The following SVIL variants were observed in gnomAD, a reference collection of about 807,000 sequenced individuals.
SVIL encodes archvillin.
SVIL carries 101 observed loss-of-function variants against 240.4 expected under a neutral mutation model. The ratio of observed to expected loss-of-function variants is 0.42; its 90% CI spans 0.36 to 0.50. SVIL has a LOEUF of 0.50. SVIL is among the 20% of genes least tolerant of loss of function. The pLI is 0.01. For synonymous variants in SVIL, 999 were observed against 1,100.0 expected (o/e 0.91, Z 1.82); for missense variants, 2,512 against 2,818.7 (o/e 0.89, Z 2.46).
rs774801638 is a variant in SVIL at position 29,533,153 on chromosome 10, G to A, written c.1214C>T (p.Pro405Leu). 5 of 1,614,140 alleles carry A rather than the reference G, an allele frequency of 3.1e-6. No individual in the cohort carries two copies. The highest frequency in any genetic ancestry group is 1.6e-4 in the Middle Eastern group (1 of 6,062). The change falls in exon 8 of 38, where the codon CCC becomes CTC. Residue 405 changes from proline to leucine, a missense_variant. By Grantham distance (98) the Pro-to-Leu change is moderately conservative. Around this residue, in one of 3 missense-constraint regions of SVIL, gnomAD observed 1,443 missense variants for 1,486.6 expected, o/e 0.97. Coordinates refer to ENST00000355867, the MANE Select transcript of SVIL (RefSeq NM_021738.3). ...ASATQNVPKPPSLTVLEGDGR... is the reference protein window; with the variant it reads ...ASATQNVPKPLSLTVLEGDGR... Reference sequence around the variant, plus strand: ...GTCACCTTCTAGAACCGTCAAGCTGGGAGGTTTGGGGACATTCTGGGTGGC... The same window carrying A: ...GTCACCTTCTAGAACCGTCAAGCTGAGAGGTTTGGGGACATTCTGGGTGGC...
chr10:29,575,237 G>A lies in SVIL; in HGVS notation c.-200-5925C>T, dbSNP rs529034557. ...GTGTCCAGTCCACTTTCCCACCAGT[G>A]TTTAAGGAAACCATCTCTCTTAAGC... On this transcript the variant is annotated intron_variant, in intron 1 of 37. Transcript: ENST00000355867. 253 of 156,912 alleles carry A rather than the reference G, an allele frequency of 1.6e-3. 2 individuals carry two copies. The highest frequency in any genetic ancestry group is 2.8e-3 in the Non-Finnish European group (198 of 69,514). 9.7% of individuals were successfully genotyped at this position (156,912 alleles called of 1,614,324 possible).
intron 3 of SVIL, chr10:29,657,938 A>G (rs780780323): frequency 6.6e-6 from 1 of 152,242 alleles, no homozygotes; most frequent in Non-Finnish European, 1.5e-5. Flanking sequence ...GTTAACCACA[A>G]AAGTGTCATA....
At chr10:29,565,651 G>C (rs1207310694) in intron 2 of SVIL, among the ~76,000 whole-genome samples, 13 of 152,020 alleles carry the variant, frequency 8.6e-5, no homozygotes, top group Non-Finnish European at 1.9e-4. Context: ...CACTTTGTGG[G>C]GGCTGAGGCA....
intron 18 of SVIL, among the ~76,000 whole-genome samples, chr10:29,495,619 A>G (rs922589490): frequency 2.6e-5 from 4 of 152,218 alleles, no homozygotes; most frequent in Non-Finnish European, 4.4e-5. Flanking sequence ...AGGGAGGGAC[A>G]GTGGCCCTGG....
At chr10:29,595,442 T>G (rs1476234860) in intron 1 of SVIL, among the ~76,000 whole-genome samples, 1 of 152,146 alleles carries the variant, frequency 6.6e-6, no homozygotes, top group African/African-American at 2.4e-5. Context: ...GAAAGGCACG[T>G]GCCCAGTGAG....
At chr10:29,670,504 G>T (rs1959681644) in intron 2 of SVIL, among the ~76,000 whole-genome samples, 1 of 152,242 alleles carries the variant, frequency 6.6e-6, no homozygotes, top group Non-Finnish European at 1.5e-5. Flanking sequence ...AGTCTGATGG[G>T]AAAGAGAAGT....
chr10:29,651,551 G>A (rs1363081992), intron 3 of SVIL, among the ~76,000 whole-genome samples: 1 of 150,776 alleles, frequency 6.6e-6, no homozygotes, highest in Non-Finnish European at 1.5e-5. Context: ...CTCCCTGGCT[G>A]GCCATTCCTT....
chr10:29,665,518 A>C (rs539494659), intron 2 of SVIL, among the ~76,000 whole-genome samples: 24 of 152,262 alleles, frequency 1.6e-4, no homozygotes, highest in African/African-American at 5.3e-4. Context: ...ACTGCTGGCC[A>C]GGCACAGTGG....
rs189909339 is a variant in SVIL, at chr10:29,711,198, G to A, written c.-399-24547C>T. On this transcript the variant is annotated intron_variant, in intron 1 of 35. Transcript: ENST00000375400. The stretch of plus-strand genomic sequence containing the variant: ...GCAGATCACCTGAAGTCAGGAGTTC[G>A]AGACAAGCCTGGACAACATGGTGAA... Among the ~76,000 whole-genome samples the A allele has an allele frequency of 4.0e-4, 60 of 150,662 alleles. No homozygotes were observed. In the East Asian group the frequency reaches 9.8e-3, roughly 25 times the overall value.
At chr10:29,569,103 T>G (rs1302675297) in intron 2 of SVIL, among the ~76,000 whole-genome samples, 152 bp downstream of exon 2, 1 of 152,126 alleles carries the variant, frequency 6.6e-6, no homozygotes, top group African/African-American at 2.4e-5. Context: ...ATACAAAGAT[T>G]CCTCTGCTTC....
intron 1 of SVIL, among the ~76,000 whole-genome samples, chr10:29,574,625 G>T (rs149043257): frequency 0.017 from 2,604 of 152,264 alleles, 57 homozygotes; most frequent in African/African-American, 0.054. Context: ...AAAGCTTGTG[G>T]CGTGGAAGTG....
chr10:29,713,666 G>A (rs997154781), intron 1 of SVIL, among the ~76,000 whole-genome samples: 9 of 152,110 alleles, frequency 5.9e-5, no homozygotes, highest in African/African-American at 2.2e-4. Context: ...GTGTAGCTGT[G>A]TTCCAATAAA....
chr10:29,703,242 A>G (rs974711469), intron 1 of SVIL, among the ~76,000 whole-genome samples: 20 of 152,142 alleles, frequency 1.3e-4, no homozygotes, highest in African/African-American at 4.6e-4. Flanking sequence ...TTCATTATTT[A>G]ACGTTCCCTC....
intron 30 of SVIL, 135 bp downstream of exon 30, chr10:29,473,703 C>A: frequency 8.5e-7 from 1 of 1,177,998 alleles, no homozygotes; most frequent in Non-Finnish European, 1.2e-6. Context: ...GAAGCCAGAC[C>A]AGGACTGAAG....
At chr10:29,657,451 C>T (rs766249064) in intron 3 of SVIL, among the ~76,000 whole-genome samples, 23 of 152,210 alleles carry the variant, frequency 1.5e-4, no homozygotes, top group Non-Finnish European at 4.4e-5. Context: ...TAGACCCATC[C>T]TCTGACCCAG....
rs199501812 is a variant in SVIL, at chr10:29,535,975, C to T, written c.908+14G>A. The T allele has an allele frequency of 3.6e-5, 58 of 1,613,864 alleles. 1 individual carries two copies. The highest frequency in any genetic ancestry group is 1.3e-4 in the East Asian group (6 of 44,882). The stretch of plus-strand genomic sequence containing the variant: ...CTCATGCACACAAGCCCCAGAGGGC[C>T]GGCGTGCGGGTACCTGGAAGGCCAG... On this transcript the variant is annotated intron_variant, in intron 7 of 37. Coordinates refer to ENST00000355867, the MANE Select transcript of SVIL (RefSeq NM_021738.3).
At chr10:29,524,175 T>C in intron 14 of SVIL, 148 bp from the exon 15 acceptor site, 1 of 966,690 alleles carries the variant, frequency 1.0e-6, no homozygotes, top group East Asian at 2.6e-5. Context: ...GACATAGTTA[T>C]ATAATACGTC....
intron 26 of SVIL, among the ~76,000 whole-genome samples, chr10:29,485,129 A>C (rs1947273726): frequency 6.6e-6 from 1 of 151,916 alleles, no homozygotes; most frequent in Non-Finnish European, 1.5e-5. Context: ...CTTTAGGTAC[A>C]TCTTCCTGTC....
At chr10:29,681,766 C>G (rs1239204296) in intron 2 of SVIL, among the ~76,000 whole-genome samples, 1 of 152,192 alleles carries the variant, frequency 6.6e-6, no homozygotes, top group African/African-American at 2.4e-5. Flanking sequence ...GCAGGACTTC[C>G]TCCTTGCTAC....
Sources: gnomAD v4.1 joint callset for allele counts (sites outside exome capture counted in the v4.1 genomes callset) on GRCh38, gnomAD v4.1.1 for gene constraint, gnomAD v4.1.1 regional missense constraint, MANE v1.5 for transcripts, NCBI Gene and HGNC (gene_info 2026-07-23, HGNC 2026-07-21) for gene names.